The following PXDNL variants were observed in gnomAD, a reference collection of about 807,000 sequenced individuals.
PXDNL encodes the protein probable oxidoreductase PXDNL.
A neutral mutation model predicts 150.8 loss-of-function variants in PXDNL; 145 were observed. The observed-to-expected ratio is 0.96, with a 90% CI of 0.84 to 1.10. PXDNL has a LOEUF of 1.10. Among genes scored for constraint, PXDNL ranks in the 50% least tolerant of loss-of-function variants. PXDNL has a pLI of 0.00. For missense variants in PXDNL, 2,087 were observed against 1,873.9 expected (o/e 1.11, Z -2.10); for synonymous variants, 757 against 725.7 (o/e 1.04, Z -0.69).
At position 51,339,678 on chromosome 8, in the gene PXDNL, A is replaced by G; in HGVS notation, c.4092T>C (p.Asp1364=). 1 of 1,613,722 alleles carries G rather than the reference A, an allele frequency of 6.2e-7. No homozygotes were observed. The highest frequency in any genetic ancestry group is 8.5e-7 in the Non-Finnish European group (1 of 1,179,742). ...GAATTTCCGCTGCAAACGTGCTGAA[A>G]TCTTGGGAGAACTTTGTTTTTGCCA... ...TVLAKTKFSQ[D]FSTFAAEIQE... is the part of the protein sequence containing the mutation. The change falls in exon 21 of 23, where the codon GAT becomes GAC. Residue 1364 remains aspartate (D), a synonymous_variant. Coordinates refer to ENST00000356297, the MANE Select transcript of PXDNL (RefSeq NM_144651.5).
intron 1 of PXDNL, among the ~76,000 whole-genome samples, chr8:51,682,210 G>GAA (rs1486422997): frequency 6.6e-6 from 1 of 152,122 alleles, no homozygotes; most frequent in South Asian, 2.1e-4. Flanking sequence ...TACATGCTCA[G>GAA]AAAGAGTTTT....
At chr8:51,324,219 G>A (rs1317287650) in intron 21 of PXDNL, among the ~76,000 whole-genome samples, 1 of 152,128 alleles carries the variant, frequency 6.6e-6, no homozygotes, top group South Asian at 2.1e-4. Context: ...GTAGGCAGCT[G>A]TATCATCTGA....
chr8:51,780,286 T>G lies in PXDNL; in HGVS notation c.164+28895A>C, dbSNP rs1420275003. Among the ~76,000 whole-genome samples, 6 of 152,146 alleles carry G rather than the reference T, an allele frequency of 3.9e-5. No individual in the cohort carries two copies. The East Asian group carries it at 1.2e-3, about 29-fold the overall frequency. ...CAAACAGGCTGTATAACCCAGTGAT[T>G]TGCATGCACAATAAAGTTTGAGGGA... On this transcript the variant is annotated intron_variant, in intron 1 of 22. Coordinates refer to ENST00000356297, the MANE Select transcript of PXDNL (RefSeq NM_144651.5).
chr8:51,756,067 A>G (rs2037096641), intron 1 of PXDNL, among the ~76,000 whole-genome samples: 1 of 152,178 alleles, frequency 6.6e-6, no homozygotes, highest in Admixed American at 6.5e-5. Context: ...CATGAGTATC[A>G]CATGTATTAT....
chr8:51,532,892 T>C (rs1811936171), intron 4 of PXDNL, among the ~76,000 whole-genome samples: 3 of 151,944 alleles, frequency 2.0e-5, no homozygotes. Context: ...CCCAAACATC[T>C]TGTTGAATTA....
chr8:51,721,375 A>G (rs533456736), intron 1 of PXDNL, among the ~76,000 whole-genome samples: 2 of 152,364 alleles, frequency 1.3e-5, no homozygotes, highest in African/African-American at 4.8e-5. Context: ...AAACAGCTGC[A>G]GTATCCAAGG....
At chr8:51,760,553 G>A (rs2037150552) in intron 1 of PXDNL, among the ~76,000 whole-genome samples, 1 of 152,148 alleles carries the variant, frequency 6.6e-6, no homozygotes, top group African/African-American at 2.4e-5. Context: ...CTAACTCCAT[G>A]TATGTATTGC....
chr8:51,628,399 CTTTTTTTTTT>C (rs71550276), intron 2 of PXDNL, among the ~76,000 whole-genome samples: 2 of 69,786 alleles, frequency 2.9e-5, no homozygotes, highest in African/African-American at 1.2e-4. Flanking sequence ...CTTTTCTTTT[CTTTTTTTTTT>C]TTTTTTTTTT....
chr8:51,484,591 G>A (rs773107656), intron 5 of PXDNL, among the ~76,000 whole-genome samples: 6 of 152,162 alleles, frequency 3.9e-5, no homozygotes, highest in Non-Finnish European at 7.3e-5. Context: ...CCAGAGTCCC[G>A]TTGGGTGCTG....
chr8:51,619,625 C>T (rs1486834679), intron 2 of PXDNL, among the ~76,000 whole-genome samples: 1 of 152,206 alleles, frequency 6.6e-6, no homozygotes, highest in Non-Finnish European at 1.5e-5. Flanking sequence ...CCCGCTTTCT[C>T]TTCCTCTTGC....
intron 2 of PXDNL, among the ~76,000 whole-genome samples, chr8:51,600,158 C>T (rs1480848300): frequency 3.5e-5 from 5 of 143,734 alleles, no homozygotes; most frequent in South Asian, 2.3e-4. Flanking sequence ...TAAATTATAT[C>T]GTTTAGATAA....
intron 1 of PXDNL, among the ~76,000 whole-genome samples, chr8:51,764,726 A>G (rs1585732843): frequency 6.6e-6 from 1 of 152,326 alleles, no homozygotes; most frequent in South Asian, 2.1e-4. Context: ...ATGGGCTACC[A>G]TATGAACTAT....
chr8:51,675,413 C>T (rs1305013092), intron 1 of PXDNL, among the ~76,000 whole-genome samples: 1 of 152,116 alleles, frequency 6.6e-6, no homozygotes, highest in Non-Finnish European at 1.5e-5. Context: ...TGGAATCAGA[C>T]AGCATCCCTC....
chr8:51,697,976 G>A (rs1816180735), intron 1 of PXDNL, among the ~76,000 whole-genome samples: 1 of 152,198 alleles, frequency 6.6e-6, no homozygotes, highest in African/African-American at 2.4e-5. Context: ...CAATAGCACT[G>A]TGACTTTAAA....
intron 1 of PXDNL, among the ~76,000 whole-genome samples, chr8:51,740,295 T>C (rs1346796038): frequency 6.6e-6 from 1 of 152,220 alleles, no homozygotes; most frequent in Non-Finnish European, 1.5e-5. Context: ...AGAAGATAAG[T>C]GTGCATGTAT....
intron 4 of PXDNL, among the ~76,000 whole-genome samples, chr8:51,552,859 CA>C (rs1227091736): frequency 6.6e-6 from 1 of 152,026 alleles, no homozygotes; most frequent in Non-Finnish European, 1.5e-5. Flanking sequence ...AAAAGATAGA[CA>C]AAAAATTAAA....
chr8:51,709,532 C>T (rs2976213), intron 1 of PXDNL, among the ~76,000 whole-genome samples: 21 of 152,102 alleles, frequency 1.4e-4, no homozygotes, highest in African/African-American at 4.6e-4. Context: ...GGATTACAGG[C>T]GTAAGCCACC....
At chr8:51,434,422 TA>T (rs1181005791) in intron 12 of PXDNL, among the ~76,000 whole-genome samples, 1 of 152,212 alleles carries the variant, frequency 6.6e-6, no homozygotes, top group Admixed American at 6.5e-5. Flanking sequence ...TCATCACACT[TA>T]ACACTCTCTG....
intron 6 of PXDNL, among the ~76,000 whole-genome samples, chr8:51,475,767 C>A (rs1165161825): frequency 3.3e-5 from 5 of 152,054 alleles, no homozygotes; most frequent in Non-Finnish European, 5.9e-5. Flanking sequence ...TTGCAACCCT[C>A]ACCCCCCTCC....
Sources: allele counts gnomAD v4.1 joint callset (sites outside exome capture counted in the v4.1 genomes callset), GRCh38; gene constraint gnomAD v4.1.1; transcripts MANE v1.5; gene names NCBI Gene and HGNC (gene_info 2026-07-23, HGNC 2026-07-21).